Variants in DAPK1 observed in about 807,000 individuals in gnomAD.
DAPK1 encodes death-associated protein kinase 1.
In DAPK1, 56 loss-of-function variants were observed where a neutral mutation model predicts 144.9. The ratio of observed to expected loss-of-function variants is 0.39; its 90% CI spans 0.31 to 0.48. The LOEUF is 0.48. Among genes scored for constraint, DAPK1 ranks in the 20% least tolerant of loss-of-function variants. The pLI is 0.95. For missense variants in DAPK1, 1,454 were observed against 1,875.4 expected (o/e 0.78, Z 4.15); for synonymous variants, 690 against 749.0 (o/e 0.92, Z 1.29).
At chr9:87,630,571 A>G (rs1297652917) in intron 3 of DAPK1, among the ~76,000 whole-genome samples, 1 of 152,000 alleles carries the variant, frequency 6.6e-6, no homozygotes, top group Non-Finnish European at 1.5e-5. Flanking sequence ...ATTACATCGG[A>G]TGTTTTGGGG....
chr9:87,525,397 C>A, intron 2 of DAPK1: 2 of 1,611,408 alleles, frequency 1.2e-6, no homozygotes, highest in Non-Finnish European at 1.7e-6. Context: ...ACGGTCTGAT[C>A]CGGAAATATG....
intron 2 of DAPK1, among the ~76,000 whole-genome samples, chr9:87,528,392 AT>A (rs1188500813): frequency 6.6e-6 from 1 of 151,730 alleles, no homozygotes; most frequent in Non-Finnish European, 1.5e-5. Flanking sequence ...TAATTGTTGT[AT>A]TTTTAGTAGA....
At chr9:87,499,332 G>A in intron 2 of DAPK1, 193 bp downstream of exon 2, 1 of 593,360 alleles carries the variant, frequency 1.7e-6, no homozygotes, top group South Asian at 2.1e-5. Flanking sequence ...TGGAGGAGAG[G>A]CAGCAGTTCA....
At chr9:87,634,835 C>T (rs1241187037) in intron 3 of DAPK1, among the ~76,000 whole-genome samples, 2 of 152,050 alleles carry the variant, frequency 1.3e-5, no homozygotes, top group African/African-American at 4.8e-5. Flanking sequence ...GAATGTGACA[C>T]CTCGGGAATG....
At chr9:87,555,347 TTC>T (rs1419860286) in intron 2 of DAPK1, among the ~76,000 whole-genome samples, 3 of 152,184 alleles carry the variant, frequency 2.0e-5, no homozygotes, top group African/African-American at 7.2e-5. Context: ...CCCTTTTGCC[TTC>T]TCTCTTTTCC....
At chr9:87,661,644 T>G (rs1230865225) in intron 18 of DAPK1, among the ~76,000 whole-genome samples, 1 of 152,242 alleles carries the variant, frequency 6.6e-6, no homozygotes, top group Non-Finnish European at 1.5e-5. Flanking sequence ...CTTCATGTCC[T>G]TAGCCCACTT....
chr9:87,530,822 C>A (rs566036432), intron 2 of DAPK1, among the ~76,000 whole-genome samples: 1 of 152,242 alleles, frequency 6.6e-6, no homozygotes. Context: ...AAGAAACCCC[C>A]AAGGGCCCCT....
rs755046465 is a variant in DAPK1, at chr9:87,703,220, G to A, written c.3060+3G>A. 4 of 1,579,664 alleles carry A rather than the reference G, an allele frequency of 2.5e-6. No homozygotes were observed. Among genetic ancestry groups the A allele is most frequent in the Non-Finnish European group, 3.5e-6 (4 of 1,149,424 alleles). On this transcript the variant is annotated splice_donor_region_variant and intron_variant, in intron 25 of 25. Transcript: ENST00000408954. ...AGCAGCTCCACAGCACAGGCGAGGT[G>A]AGCCCCTGGGAGCCCAGGCAGGGGG...
chr9:87,693,761 T>TAGGG (rs1160062449), intron 21 of DAPK1, among the ~76,000 whole-genome samples: 1 of 152,178 alleles, frequency 6.6e-6, no homozygotes, highest in Admixed American at 6.5e-5. Context: ...GTTGGTTGAG[T>TAGGG]AGGGCACTTT....
At chr9:87,662,563 T>TTGTTTTTTTG (rs368594757) in intron 18 of DAPK1, among the ~76,000 whole-genome samples, 2 of 131,324 alleles carry the variant, frequency 1.5e-5, no homozygotes, top group African/African-American at 5.9e-5. Context: ...ATTCCTAGTT[T>TTGTTTTTTTG]TTTTTTTTTT....
At chr9:87,549,813 G>T (rs1826405853) in intron 2 of DAPK1, among the ~76,000 whole-genome samples, 1 of 152,090 alleles carries the variant, frequency 6.6e-6, no homozygotes, top group Non-Finnish European at 1.5e-5. Context: ...CAAATATATG[G>T]AAAAGTGGGG....
At chr9:87,618,865 A>T (rs957711865) in intron 3 of DAPK1, among the ~76,000 whole-genome samples, 1 of 152,132 alleles carries the variant, frequency 6.6e-6, no homozygotes, top group Non-Finnish European at 1.5e-5. Flanking sequence ...AAATACTAAA[A>T]CCCAGTGAGT....
At chr9:87,528,045 C>T (rs779136102) in intron 2 of DAPK1, among the ~76,000 whole-genome samples, 1 of 152,220 alleles carries the variant, frequency 6.6e-6, no homozygotes, top group Non-Finnish European at 1.5e-5. Flanking sequence ...AGTTTGAATT[C>T]TGTGCACCAA....
intron 3 of DAPK1, chr9:87,633,014 G>A (rs1829763645): frequency 1.0e-6 from 1 of 979,066 alleles, no homozygotes; most frequent in Non-Finnish European, 1.2e-6. Flanking sequence ...GGGATGAGAA[G>A]GATGAGTATA....
intron 2 of DAPK1, among the ~76,000 whole-genome samples, chr9:87,534,328 G>C (rs1475332213): frequency 6.7e-6 from 1 of 148,208 alleles, no homozygotes; most frequent in Non-Finnish European, 1.5e-5. Flanking sequence ...GACAATTTCT[G>C]CCTCTCCCAA....
At chr9:87,540,562 C>T (rs773835486) in intron 2 of DAPK1, among the ~76,000 whole-genome samples, 12 of 152,068 alleles carry the variant, frequency 7.9e-5, no homozygotes, top group African/African-American at 2.9e-4. Context: ...TAGGAAGAAA[C>T]GTAGTAGATA....
intron 2 of DAPK1, chr9:87,525,285 G>A: frequency 7.5e-6 from 12 of 1,592,244 alleles, no homozygotes; most frequent in Non-Finnish European, 9.5e-6. Context: ...TTACCTCGTT[G>A]CACTCCTGAG....
intron 20 of DAPK1, among the ~76,000 whole-genome samples, chr9:87,685,903 C>A (rs1294404151): frequency 6.6e-6 from 1 of 152,210 alleles, no homozygotes; most frequent in Non-Finnish European, 1.5e-5. Context: ...CCAATGCCCA[C>A]ACCCTCTTCA....
chr9:87,562,656 A>G (rs1826972051), intron 2 of DAPK1, among the ~76,000 whole-genome samples: 1 of 152,354 alleles, frequency 6.6e-6, no homozygotes, highest in East Asian at 1.9e-4. Flanking sequence ...AAGGCTCTAC[A>G]TTATTTACAC....
Sources: gnomAD v4.1 joint callset for allele counts (sites outside exome capture counted in the v4.1 genomes callset) on GRCh38, gnomAD v4.1.1 for gene constraint, MANE v1.5 for transcripts, NCBI Gene and HGNC (gene_info 2026-07-23, HGNC 2026-07-21) for gene names.